Variants in SGCG observed in about 807,000 individuals in gnomAD.
The protein encoded by SGCG is sarcoglycan gamma.
A neutral mutation model predicts 29.3 loss-of-function variants in SGCG; 26 were observed. That is an observed-to-expected ratio of 0.89 (90% CI 0.65 to 1.23). The LOEUF (loss-of-function observed/expected upper bound fraction) is 1.23, where lower values mean the gene tolerates loss of function less well. Among genes scored for constraint, SGCG ranks in the 50% most tolerant of loss-of-function variants. The pLI, the probability that SGCG is intolerant of heterozygous loss-of-function variation, is 0.00. For missense variants in SGCG, 353 were observed against 356.0 expected (o/e 0.99, Z 0.07); for synonymous variants, 145 against 129.7 (o/e 1.12, Z -0.80).
intron 2 of SGCG, among the ~76,000 whole-genome samples, chr13:23,222,671 C>T (rs1878717180): frequency 6.6e-6 from 1 of 151,816 alleles, no homozygotes; most frequent in Admixed American, 6.6e-5. Flanking sequence ...ACTAAAAATA[C>T]AAAAAATTAG....
intron 1 of SGCG, among the ~76,000 whole-genome samples, chr13:23,186,211 C>T (rs1876965533): frequency 6.6e-6 from 1 of 152,200 alleles, no homozygotes; most frequent in African/African-American, 2.4e-5. Flanking sequence ...TGGTCACCAA[C>T]CCCTAACCAG....
chr13:23,217,203 G>C (rs759531134), intron 2 of SGCG, among the ~76,000 whole-genome samples: 1 of 151,912 alleles, frequency 6.6e-6, no homozygotes, highest in Non-Finnish European at 1.5e-5. Flanking sequence ...GAATAACTAT[G>C]TTTCCTATTA....
chr13:23,248,302 A>T (rs1879800824), intron 3 of SGCG, among the ~76,000 whole-genome samples: 1 of 152,148 alleles, frequency 6.6e-6, no homozygotes, highest in Non-Finnish European at 1.5e-5. Flanking sequence ...TGCGGTGTTT[A>T]TAACATGCAG....
rs182328779 is a variant in SGCG, at chr13:23,298,809, T to A, written c.578+3322T>A. 7.9e-5 allele frequency among the ~76,000 whole-genome samples: 12 copies of A among 152,346 alleles called. No homozygotes were observed. The East Asian group carries it at 2.1e-3, about 27-fold the overall frequency. On this transcript the variant is annotated intron_variant, in intron 6 of 7. Transcript: ENST00000218867. ...ATGTTATCCCATTAAATCTTCTCAC[T>A]GTATATACGGCAGGCTCTTACTGAA...
chr13:23,175,863 C>T, the SGCG span, among the ~76,000 whole-genome samples: 1 of 151,932 alleles, frequency 6.6e-6, no homozygotes, highest in Admixed American at 6.6e-5. Flanking sequence ...TGTGTGATTC[C>T]TATTGATAAA....
At chr13:23,212,241 T>C (rs540502263) in intron 2 of SGCG, among the ~76,000 whole-genome samples, 6 of 152,300 alleles carry the variant, frequency 3.9e-5, no homozygotes, top group African/African-American at 1.4e-4. Context: ...CATTTCGTTG[T>C]AGCAATGCGA....
At chr13:23,174,450 T>C in the SGCG span, among the ~76,000 whole-genome samples, 1 of 152,066 alleles carries the variant, frequency 6.6e-6, no homozygotes, top group Non-Finnish European at 1.5e-5. Context: ...GATCCAACCA[T>C]GACAGAAACT....
chr13:23,160,612 C>T, the SGCG span, among the ~76,000 whole-genome samples: 1 of 152,166 alleles, frequency 6.6e-6, no homozygotes, highest in Non-Finnish European at 1.5e-5. Flanking sequence ...AATGCAGCGG[C>T]TGTTTGCGCC....
At chr13:23,217,452 G>A (rs543445978) in intron 2 of SGCG, 3 of 152,122 alleles carry the variant, frequency 2.0e-5, no homozygotes, top group South Asian at 2.1e-4. Context: ...AATTCTTCAT[G>A]AAGTTGTGTG....
chr13:23,203,900 T>C lies in SGCG; in HGVS notation c.195+11T>C, dbSNP rs1161356834. On this transcript the variant is annotated intron_variant, in intron 2 of 7. Transcript: ENST00000218867. ...ATGTGGTTTTCTCCAGTAAGTATCA[T>C]TATTTTCTGGTAAGCATGTTCTTGT... The C allele has an allele frequency of 1.9e-6, 3 of 1,564,706 alleles. No homozygotes were observed. The highest frequency in any genetic ancestry group is 1.8e-6 in the Non-Finnish European group (2 of 1,134,966).
At chr13:23,217,380 C>T (rs780991487) in intron 2 of SGCG, 18 of 151,996 alleles carry the variant, frequency 1.2e-4, no homozygotes, top group East Asian at 1.9e-4. Flanking sequence ...GCCAGTCCCC[C>T]GATTAATTTT....
intron 1 of SGCG, among the ~76,000 whole-genome samples, chr13:23,191,994 C>T (rs4600313): frequency 0.34 from 52,095 of 151,060 alleles, 10,732 homozygotes; most frequent in East Asian, 0.57. Context: ...GCTAACACGG[C>T]GAAACCCCGT....
chr13:23,300,845 G>A (rs1193954960), intron 6 of SGCG, among the ~76,000 whole-genome samples: 2 of 150,470 alleles, frequency 1.3e-5, no homozygotes, highest in Non-Finnish European at 3.0e-5. Flanking sequence ...GCCGGGCGCG[G>A]TGGCTCACGC....
the SGCG span, among the ~76,000 whole-genome samples, chr13:23,171,073 A>C: frequency 6.6e-6 from 1 of 152,228 alleles, no homozygotes; most frequent in Non-Finnish European, 1.5e-5. Context: ...ATACACCATT[A>C]AGTCAAAATG....
At chr13:23,281,893 C>T (rs573540398) in intron 5 of SGCG, among the ~76,000 whole-genome samples, 13 of 152,202 alleles carry the variant, frequency 8.5e-5, no homozygotes, top group Non-Finnish European at 1.8e-4. Context: ...GTCTATGGCC[C>T]AGGGATCCAG....
chr13:23,268,399 G>C (rs1039760690), intron 4 of SGCG: 3 of 152,316 alleles, frequency 2.0e-5, no homozygotes, highest in Admixed American at 2.0e-4. Flanking sequence ...TTTCTGCTAG[G>C]ATTTTGATTC....
chr13:23,176,246 G>A (rs7333173), upstream of SGCG, among the ~76,000 whole-genome samples: 37,436 of 151,992 alleles, frequency 0.25, 4,673 homozygotes, highest in South Asian at 0.39. Context: ...TAAAGCTGGT[G>A]TAACTTGAGT....
At chr13:23,219,233 G>A (rs1878559756) in intron 2 of SGCG, among the ~76,000 whole-genome samples, 1 of 151,900 alleles carries the variant, frequency 6.6e-6, no homozygotes, top group East Asian at 1.9e-4. Context: ...ATTTTTAGTA[G>A]AGATGGGGTT....
At chr13:23,269,754 T>C (rs12859073) in intron 4 of SGCG, among the ~76,000 whole-genome samples, 12,937 of 152,096 alleles carry the variant, frequency 0.085, 727 homozygotes, top group South Asian at 0.15. Context: ...ATTATTCAGC[T>C]ATTCACCCAT....
Sources: gnomAD v4.1 joint callset for allele counts (sites outside exome capture counted in the v4.1 genomes callset) on GRCh38, gnomAD v4.1.1 for gene constraint, MANE v1.5 for transcripts, NCBI Gene and HGNC (gene_info 2026-07-23, HGNC 2026-07-21) for gene names.